CDH13: variants seen among roughly 807,000 people sequenced by gnomAD.
The protein encoded by CDH13 is cadherin-13.
Under a neutral mutation model 63.8 loss-of-function variants are expected in CDH13, and 24 were observed. That is an observed-to-expected ratio of 0.38 (90% confidence interval 0.27 to 0.53). The LOEUF is 0.53. Ranked by LOEUF, CDH13 falls within the 20% of genes least tolerant of loss-of-function variation. The pLI is 0.85. For synonymous variants in CDH13, 503 were observed against 355.3 expected (o/e 1.42, Z -4.67); for missense variants, 1,049 against 903.1 (o/e 1.16, Z -2.07).
intron 4 of CDH13, among the ~76,000 whole-genome samples, chr16:83,176,019 GTTTTT>G (rs201422569): frequency 2.1e-5 from 3 of 145,518 alleles, no homozygotes; most frequent in African/African-American, 7.7e-5. Flanking sequence ...TTTTGTTTTT[GTTTTT>G]TTTTCAGTAG....
chr16:83,078,253 T>C (rs912890627), intron 3 of CDH13, among the ~76,000 whole-genome samples: 1 of 152,170 alleles, frequency 6.6e-6, no homozygotes, highest in Admixed American at 6.5e-5. Context: ...TGTCATGAAC[T>C]CTGTTCTCTG....
At chr16:82,854,262 G>T (rs286677) in intron 1 of CDH13, among the ~76,000 whole-genome samples, 2 of 151,770 alleles carry the variant, frequency 1.3e-5, no homozygotes, top group African/African-American at 4.8e-5. Flanking sequence ...TTAGCTAGGC[G>T]TGGTGGCTGG....
intron 1 of CDH13, among the ~76,000 whole-genome samples, chr16:82,749,424 C>T (rs115113854): frequency 1.4e-3 from 220 of 152,244 alleles, no homozygotes; most frequent in African/African-American, 4.5e-3. Flanking sequence ...GAAGATTTAT[C>T]GTGACAGGAG....
intron 2 of CDH13, among the ~76,000 whole-genome samples, chr16:82,959,867 A>G (rs1033280722): frequency 3.9e-5 from 6 of 152,176 alleles, no homozygotes; most frequent in African/African-American, 1.4e-4. Flanking sequence ...AGCTATGCAC[A>G]ATTGTGTACA....
intron 11 of CDH13, among the ~76,000 whole-genome samples, chr16:83,778,650 G>T (rs1399978986): frequency 6.6e-6 from 1 of 152,076 alleles, no homozygotes; most frequent in Non-Finnish European, 1.5e-5. Flanking sequence ...AAAAAACAAG[G>T]CTTTAAAAAT....
At chr16:83,787,434 C>T (rs983568216) in intron 13 of CDH13, among the ~76,000 whole-genome samples, 9 of 152,206 alleles carry the variant, frequency 5.9e-5, no homozygotes, top group Non-Finnish European at 1.0e-4. Context: ...GGCTGAACCC[C>T]GCTCTGCTCC....
chr16:83,539,931 T>C (rs2075268202), intron 7 of CDH13, among the ~76,000 whole-genome samples: 1 of 152,230 alleles, frequency 6.6e-6, no homozygotes, highest in African/African-American at 2.4e-5. Context: ...GCGTGATTAA[T>C]TCCCTGACAT....
chr16:83,102,955 T>TTTTTTTTTTTTTTTTC (rs2034568233), intron 3 of CDH13, among the ~76,000 whole-genome samples: 1 of 117,118 alleles, frequency 8.5e-6, no homozygotes, highest in Non-Finnish European at 1.8e-5. Context: ...TTTCTTTTTT[T>TTTTTTTTTTTTTTTTC]TTTTTTTTTT....
chr16:83,360,866 C>G (rs1378289086), intron 6 of CDH13, among the ~76,000 whole-genome samples: 1 of 152,124 alleles, frequency 6.6e-6, no homozygotes, highest in Non-Finnish European at 1.5e-5. Flanking sequence ...TCATGAGTAC[C>G]TAGGTTGATT....
At chr16:83,226,877 G>GCCAC (rs1336947685) in intron 5 of CDH13, among the ~76,000 whole-genome samples, 1 of 152,046 alleles carries the variant, frequency 6.6e-6, no homozygotes, top group African/African-American at 2.4e-5. Flanking sequence ...TCCAGCTCCC[G>GCCAC]CCACCCATTA....
rs563632186 is a variant in CDH13 at position 83,394,608 on chromosome 16, G to A, written c.781+49602G>A. On this transcript the variant is annotated intron_variant, in intron 6 of 13. Coordinates refer to ENST00000567109, the MANE Select transcript of CDH13 (RefSeq NM_001257.5). ...CTCACAAGGAATGGTGAGCCGCCAA[G>A]GTTTTGAGCAGAAGCGTGACATGAC... Among the ~76,000 whole-genome samples the A allele has an allele frequency of 7.2e-5, 11 of 152,322 alleles. No homozygotes were observed. In the East Asian group the frequency reaches 2.1e-3, roughly 29 times the overall value.
chr16:82,944,873 G>A (rs1597264813), intron 2 of CDH13, among the ~76,000 whole-genome samples: 1 of 152,000 alleles, frequency 6.6e-6, no homozygotes, highest in East Asian at 1.9e-4. Context: ...AAGGTATTAG[G>A]TAAAGCAGGT....
At chr16:82,905,768 G>T (rs6565078) in intron 2 of CDH13, among the ~76,000 whole-genome samples, 43,617 of 151,950 alleles carry the variant, frequency 0.29, 6,845 homozygotes, top group Non-Finnish European at 0.36. Flanking sequence ...TGACCTTTTT[G>T]TACTAAGTTG....
chr16:83,222,710 C>G (rs1010515772), intron 5 of CDH13, among the ~76,000 whole-genome samples: 5 of 151,954 alleles, frequency 3.3e-5, no homozygotes, highest in Admixed American at 2.0e-4. Context: ...TGGTGGCAGT[C>G]AACAAAATCA....
intron 2 of CDH13, among the ~76,000 whole-genome samples, chr16:82,971,223 A>G (rs1190640117): frequency 6.6e-6 from 1 of 152,194 alleles, no homozygotes; most frequent in African/African-American, 2.4e-5. Context: ...AGCAGGATTC[A>G]GTTCTAGTTA....
At chr16:82,937,953 A>T (rs1237208796) in intron 2 of CDH13, among the ~76,000 whole-genome samples, 3 of 152,234 alleles carry the variant, frequency 2.0e-5, no homozygotes, top group African/African-American at 7.2e-5. Flanking sequence ...TTCAAATGTA[A>T]CACTTAATTT....
chr16:83,592,614 C>G (rs1467717715), intron 7 of CDH13, among the ~76,000 whole-genome samples: 2 of 152,060 alleles, frequency 1.3e-5, no homozygotes, highest in Non-Finnish European at 2.9e-5. Flanking sequence ...GTCCCTCAAC[C>G]GCAAATCTAT....
At chr16:82,682,316 A>G (rs1028044750) in intron 1 of CDH13, among the ~76,000 whole-genome samples, 1 of 152,232 alleles carries the variant, frequency 6.6e-6, no homozygotes, top group Non-Finnish European at 1.5e-5. Flanking sequence ...ATCTGCATTT[A>G]TCAAGCTTTT....
chr16:82,935,297 T>C (rs1291800465), intron 2 of CDH13, among the ~76,000 whole-genome samples: 1 of 152,118 alleles, frequency 6.6e-6, no homozygotes, highest in Non-Finnish European at 1.5e-5. Context: ...GAGAACAGCA[T>C]GAGGGGAAGG....
Sources: allele counts gnomAD v4.1 joint callset (sites outside exome capture counted in the v4.1 genomes callset), GRCh38; gene constraint gnomAD v4.1.1; transcripts MANE v1.5; gene names NCBI Gene and HGNC (gene_info 2026-07-23, HGNC 2026-07-21).